RNF180: variants seen among roughly 807,000 people sequenced by gnomAD.
RNF180 encodes E3 ubiquitin-protein ligase RNF180.
RNF180 carries 38 observed loss-of-function variants against 59.2 expected under a neutral mutation model. The observed-to-expected ratio is 0.64, with a 90% CI of 0.50 to 0.84. RNF180 has a LOEUF of 0.84. RNF180 is among the 40% of genes least tolerant of loss of function. The pLI is 0.00. For missense variants in RNF180, 705 were observed against 700.9 expected (o/e 1.01, Z -0.07); for synonymous variants, 262 against 240.3 (o/e 1.09, Z -0.84).
chr5:64,320,970 G>A (rs993146489), intron 5 of RNF180, among the ~76,000 whole-genome samples: 5 of 152,052 alleles, frequency 3.3e-5, no homozygotes, highest in African/African-American at 4.8e-5. Context: ...CCCGGGAGGC[G>A]GAGCTTGCAG....
At position 64,255,106 on chromosome 5, in the gene RNF180, A is replaced by T. The variant is rs111422120; in HGVS notation, c.1227+37710A>T. ...AGGTGATTCTGAATCTTAATTTTTT[A>T]AAAAAATTATTAAACCATTATCTAA... On this transcript the variant is annotated intron_variant, in intron 5 of 7. Transcript: ENST00000389100. Among the ~76,000 whole-genome samples, 983 of 152,224 alleles carry T rather than the reference A, an allele frequency of 6.5e-3. 19 individuals carry two copies. The highest frequency in any genetic ancestry group is 0.022 in the African/African-American group (920 of 41,524).
chr5:64,166,085 G>A (rs921119370), intron 1 of RNF180, 132 bp downstream of exon 1: 1 of 152,276 alleles, frequency 6.6e-6, no homozygotes, highest in Non-Finnish European at 1.5e-5. Flanking sequence ...ACGTGCCAAG[G>A]GGCTGGGCTA....
intron 5 of RNF180, among the ~76,000 whole-genome samples, chr5:64,311,679 A>G (rs1459084758): frequency 6.6e-6 from 1 of 151,970 alleles, no homozygotes; most frequent in Non-Finnish European, 1.5e-5. Context: ...CATACCATTC[A>G]GATCTGACAT....
intron 5 of RNF180, among the ~76,000 whole-genome samples, chr5:64,301,154 G>A (rs889637049): frequency 1.3e-5 from 2 of 151,716 alleles, no homozygotes; most frequent in Admixed American, 1.3e-4. Context: ...GAATTCCAGA[G>A]TGTACTATTT....
intron 5 of RNF180, among the ~76,000 whole-genome samples, chr5:64,282,254 A>G (rs916527711): frequency 6.6e-6 from 1 of 152,010 alleles, no homozygotes; most frequent in Non-Finnish European, 1.5e-5. Context: ...CAGAGTTTTA[A>G]TTTCTTCCTA....
intron 5 of RNF180, among the ~76,000 whole-genome samples, chr5:64,279,326 G>A (rs1215563394): frequency 6.6e-6 from 1 of 152,138 alleles, no homozygotes; most frequent in Non-Finnish European, 1.5e-5. Context: ...TATTTTAATA[G>A]TGGGTACTGG....
chr5:64,330,935 C>T (rs1294899573), intron 7 of RNF180, among the ~76,000 whole-genome samples: 1 of 152,220 alleles, frequency 6.6e-6, no homozygotes, highest in Non-Finnish European at 1.5e-5. Context: ...CTCTTGGGGA[C>T]TGGGGAAGCC....
intron 2 of RNF180, among the ~76,000 whole-genome samples, chr5:64,201,586 C>T (rs191137677): frequency 1.0e-3 from 157 of 152,208 alleles, no homozygotes; most frequent in Non-Finnish European, 1.8e-3. Context: ...TGTTTTCTTC[C>T]GCTTCTTTGG....
intron 5 of RNF180, among the ~76,000 whole-genome samples, chr5:64,305,405 T>C (rs1020430272): frequency 2.2e-4 from 33 of 151,592 alleles, no homozygotes; most frequent in African/African-American, 7.0e-4. Context: ...ACCAGATCAT[T>C]TCCTTCTGAG....
At position 64,255,461 on chromosome 5, in the gene RNF180, G is replaced by A. The variant is rs145268610; in HGVS notation, c.1227+38065G>A. Among the ~76,000 whole-genome samples the A allele has an allele frequency of 8.0e-3, 1,219 of 152,104 alleles. 8 individuals are homozygous for A. The highest frequency in any genetic ancestry group is 0.014 in the South Asian group (69 of 4,818). The stretch of plus-strand genomic sequence containing the variant: ...GAGAACATGTGGTGTATGGTTTTTT[G>A]TCCTTGCGATAGTTTGCTGAGAATG... On this transcript the variant is annotated intron_variant, in intron 5 of 7. Transcript: ENST00000389100.
At chr5:64,302,274 G>T (rs972051363) in intron 5 of RNF180, among the ~76,000 whole-genome samples, 1 of 151,594 alleles carries the variant, frequency 6.6e-6, no homozygotes, top group African/African-American at 2.4e-5. Context: ...TAGCAATTTT[G>T]AAATCCCACT....
chr5:64,230,412 G>T (rs1458133282), intron 5 of RNF180, among the ~76,000 whole-genome samples: 2 of 152,132 alleles, frequency 1.3e-5, no homozygotes, highest in Non-Finnish European at 2.9e-5. Context: ...TGCCTTTTCT[G>T]GCATCTAGAG....
chr5:64,287,919 G>A (rs1251947715), intron 5 of RNF180, among the ~76,000 whole-genome samples: 1 of 152,006 alleles, frequency 6.6e-6, no homozygotes, highest in East Asian at 1.9e-4. Context: ...ATCACATTTG[G>A]CAATTTTTTG....
chr5:64,254,526 T>C (rs1158742670), intron 5 of RNF180, among the ~76,000 whole-genome samples: 5 of 152,136 alleles, frequency 3.3e-5, no homozygotes, highest in Non-Finnish European at 7.4e-5. Context: ...ATTTAGGAGA[T>C]TGGGGCTGGA....
chr5:64,201,461 A>C (rs1483688357), intron 2 of RNF180, among the ~76,000 whole-genome samples: 1 of 152,204 alleles, frequency 6.6e-6, no homozygotes, highest in Non-Finnish European at 1.5e-5. Flanking sequence ...AAACAACAAA[A>C]ATAAAAATTT....
intron 1 of RNF180, among the ~76,000 whole-genome samples, chr5:64,183,220 A>T (rs1028865623): frequency 1.3e-5 from 2 of 152,290 alleles, no homozygotes; most frequent in East Asian, 3.9e-4. Context: ...CAGTTTCCTC[A>T]TCTATAAAAT....
intron 5 of RNF180, among the ~76,000 whole-genome samples, chr5:64,282,194 G>A (rs1320847457): frequency 2.0e-5 from 3 of 152,036 alleles, no homozygotes; most frequent in African/African-American, 7.2e-5. Context: ...TTTTCTGGTT[G>A]GTAGGCTTTT....
chr5:64,214,847 C>T (rs1334246263), intron 4 of RNF180, among the ~76,000 whole-genome samples: 9 of 151,716 alleles, frequency 5.9e-5, no homozygotes, highest in African/African-American at 9.7e-5. Context: ...TGTTTTGCAG[C>T]GGTTTTATTT....
At position 64,313,006 on chromosome 5, in the gene RNF180, C is replaced by G. The variant is rs188832860; in HGVS notation, c.1228-12180C>G. 1.4e-4 allele frequency among the ~76,000 whole-genome samples: 22 copies of G among 152,162 alleles called. 1 individual carries two copies. Among genetic ancestry groups the G allele is most frequent in the African/African-American group, 5.3e-4 (22 of 41,528 alleles). On this transcript the variant is annotated intron_variant, in intron 5 of 7. Coordinates refer to ENST00000389100, the MANE Select transcript of RNF180 (RefSeq NM_001113561.2). ...ATCCCTTATCTAAAATGCTTGAGATCAGAAGTTTTTCAGACTTTGGGTATT... is the reference window on the plus strand; with the variant it reads ...ATCCCTTATCTAAAATGCTTGAGATGAGAAGTTTTTCAGACTTTGGGTATT...
Sources: allele counts gnomAD v4.1 joint callset (sites outside exome capture counted in the v4.1 genomes callset), GRCh38; gene constraint gnomAD v4.1.1; transcripts MANE v1.5; gene names NCBI Gene and HGNC (gene_info 2026-07-23, HGNC 2026-07-21).